KIAA1217: variants seen among roughly 807,000 people sequenced by gnomAD.
The protein encoded by KIAA1217 is KIAA1217.
In KIAA1217, 88 loss-of-function variants were observed where a neutral mutation model predicts 163.9. That is an observed-to-expected ratio of 0.54 (90% confidence interval 0.45 to 0.64). The LOEUF (loss-of-function observed/expected upper bound fraction) is 0.64, where lower values mean the gene tolerates loss of function less well. KIAA1217 is among the 30% of genes least tolerant of loss of function. The pLI, the probability that KIAA1217 is intolerant of heterozygous loss-of-function variation, is 0.00. For missense variants in KIAA1217, 2,372 were observed against 2,475.0 expected (o/e 0.96, Z 0.88); for synonymous variants, 903 against 923.1 (o/e 0.98, Z 0.39).
intron 5 of KIAA1217, among the ~76,000 whole-genome samples, chr10:24,457,857 C>T (rs988520580): frequency 2.6e-5 from 4 of 152,146 alleles, no homozygotes; most frequent in Non-Finnish European, 4.4e-5. Flanking sequence ...GTAGGCATTT[C>T]GTCATATGGA....
intron 9 of KIAA1217, among the ~76,000 whole-genome samples, chr10:24,506,499 C>T (rs979442197): frequency 6.6e-6 from 1 of 152,150 alleles, no homozygotes. Flanking sequence ...TTATTTCTGT[C>T]TCTTATTTTA....
intron 1 of KIAA1217, among the ~76,000 whole-genome samples, chr10:23,917,413 T>C (rs1275178434): frequency 6.6e-6 from 1 of 152,154 alleles, no homozygotes; most frequent in Non-Finnish European, 1.5e-5. Context: ...TCAGATTGCT[T>C]GTTCTGTGAA....
intron 2 of KIAA1217, among the ~76,000 whole-genome samples, chr10:24,097,295 T>C (rs2062201736): frequency 7.9e-5 from 12 of 152,208 alleles, no homozygotes. Context: ...TTCATGCCTA[T>C]AATCCCAGTT....
At chr10:24,306,840 T>A (rs549560275) in intron 2 of KIAA1217, among the ~76,000 whole-genome samples, 1 of 152,354 alleles carries the variant, frequency 6.6e-6, no homozygotes, top group African/African-American at 2.4e-5. Flanking sequence ...GACATAACTG[T>A]CTTAGTATCT....
In KIAA1217 at chr10:24,400,274, G is replaced by A. The variant is rs2056372174; in HGVS notation, c.553+19207G>A. Reference sequence around the variant, plus strand: ...TATACTACCTGACCTGCATTTTGGGGACTTCCCACAGTATATCAGTCAGGA... The same window carrying A: ...TATACTACCTGACCTGCATTTTGGGAACTTCCCACAGTATATCAGTCAGGA... On this transcript the variant is annotated intron_variant, in intron 3 of 20. Coordinates refer to ENST00000376454, the MANE Select transcript of KIAA1217 (RefSeq NM_019590.5). 2.0e-5 allele frequency among the ~76,000 whole-genome samples: 3 copies of A among 152,186 alleles called. 1 individual carries two copies. Among genetic ancestry groups the A allele is most frequent in the Admixed American group, 2.0e-4 (3 of 15,274 alleles).
chr10:24,223,874 C>T (rs1353660158), intron 2 of KIAA1217, among the ~76,000 whole-genome samples: 2 of 113,070 alleles, frequency 1.8e-5, no homozygotes, highest in African/African-American at 6.8e-5. Context: ...AACTGGGAGT[C>T]CAGGAGTGCT....
Position 24,473,437 on chromosome 10 carries a change from C to T in KIAA1217, c.1056C>T (p.Ser352=), listed in dbSNP as rs1440228733. Residue 352 remains serine, a synonymous_variant, in exon 6 of 21, where the codon TCC becomes TCT. Transcript: ENST00000376454. The part of the protein sequence containing the change: ...GNATIPRDRI[S]SLPVSRPISP... ...CCACCATCCCCAGGGACAGAATCTCCAGCCTGCCAGTCTCCAGACCCATCT... is the reference window on the plus strand; with the variant it reads ...CCACCATCCCCAGGGACAGAATCTCTAGCCTGCCAGTCTCCAGACCCATCT... 2.5e-6 allele frequency: 4 copies of T among 1,614,148 alleles called. No homozygotes were observed. The East Asian group carries it at 8.9e-5, about 36-fold the overall frequency.
At chr10:23,915,694 A>T (rs561580082) in intron 1 of KIAA1217, among the ~76,000 whole-genome samples, 123 of 152,306 alleles carry the variant, frequency 8.1e-4, no homozygotes, top group African/African-American at 2.7e-3. Flanking sequence ...AAAATCAGTT[A>T]TTGGGAAGGT....
At chr10:24,322,397 G>A (rs2044292511) in intron 2 of KIAA1217, among the ~76,000 whole-genome samples, 1 of 152,184 alleles carries the variant, frequency 6.6e-6, no homozygotes. Flanking sequence ...TTAAACACAA[G>A]TGGTGTAACC....
Position 23,865,067 on chromosome 10 carries a change from A to G in KIAA1217, c.-320-142158A>G, listed in dbSNP as rs183088977. Among the ~76,000 whole-genome samples, 1,097 of 152,266 alleles carry G rather than the reference A, an allele frequency of 7.2e-3. 4 individuals are homozygous for G. Among genetic ancestry groups the G allele is most frequent in the Non-Finnish European group, 0.01 (688 of 68,016 alleles). On this transcript the variant is annotated intron_variant, in intron 1 of 18. Coordinates refer to the KIAA1217 transcript ENST00000376462. ...CTGGTGCTTGAACAAATATCTGGAAACCACAGGCTATAAAAGTTGACCCAT... is the reference window on the plus strand; with the variant it reads ...CTGGTGCTTGAACAAATATCTGGAAGCCACAGGCTATAAAAGTTGACCCAT...
chr10:24,120,914 T>A (rs933648446), intron 2 of KIAA1217, among the ~76,000 whole-genome samples: 2 of 152,196 alleles, frequency 1.3e-5, no homozygotes, highest in African/African-American at 4.8e-5. Flanking sequence ...TAGCAAGTAT[T>A]GACTGACATC....
chr10:24,378,664 AG>A (rs1330448316), intron 2 of KIAA1217, among the ~76,000 whole-genome samples: 1 of 151,778 alleles, frequency 6.6e-6, no homozygotes, highest in Non-Finnish European at 1.5e-5. Context: ...ATCAGATCAC[AG>A]GGTATCTGGC....
rs1843939949 is a variant in KIAA1217, at chr10:23,944,832, G to A, written c.-320-62393G>A. Among the ~76,000 whole-genome samples the A allele has an allele frequency of 2.0e-5, 3 of 152,126 alleles. No individual in the cohort carries two copies. The South Asian group carries it at 6.2e-4, about 32-fold the overall frequency. ...CCAGCACTTTGGGAGGCCAAGGTGG[G>A]TGGATCACCTGAGGTCAGGAGTTCA... On this transcript the variant is annotated intron_variant, in intron 1 of 18. Coordinates refer to the KIAA1217 transcript ENST00000376462.
chr10:24,533,535 AG>A (rs1445803252), intron 16 of KIAA1217, among the ~76,000 whole-genome samples: 1 of 152,206 alleles, frequency 6.6e-6, no homozygotes, highest in Non-Finnish European at 1.5e-5. Context: ...TCATTTCAAA[AG>A]CAAGTAAGAT....
At chr10:23,849,784 C>G (rs933666885) in intron 1 of KIAA1217, among the ~76,000 whole-genome samples, 1 of 152,092 alleles carries the variant, frequency 6.6e-6, no homozygotes, top group African/African-American at 2.4e-5. Flanking sequence ...TAGAACTGGT[C>G]AAAAGACTTT....
At chr10:23,772,091 T>C (rs981563242) in intron 1 of KIAA1217, among the ~76,000 whole-genome samples, 10 of 152,248 alleles carry the variant, frequency 6.6e-5, no homozygotes, top group African/African-American at 9.6e-5. Flanking sequence ...GAATCTCATT[T>C]GATGTGTGAA....
chr10:23,882,837 A>G (rs1325114364), intron 1 of KIAA1217, among the ~76,000 whole-genome samples: 1 of 151,958 alleles, frequency 6.6e-6, no homozygotes, highest in African/African-American at 2.4e-5. Flanking sequence ...GTGATTCCTC[A>G]TGAAAATGGG....
chr10:24,544,988 G>A lies in KIAA1217; in HGVS notation c.5219G>A (p.Ser1740Asn). Residue 1740 changes from serine to asparagine, a missense_variant, in exon 20 of 21, where the codon AGC (serine) becomes AAC (asparagine). This residue lies in a region of KIAA1217 where 690 missense variants were observed against 677.5 expected (regional missense o/e 1.02). Coordinates refer to ENST00000376454, the MANE Select transcript of KIAA1217 (RefSeq NM_019590.5). ...SIPSASRKGS[S>N]GAPQTSRMPV... ...CACTGGTCCTTCCCACAGGGCTCCA[G>A]CGGGGCCCCACAGACGAGCAGGATG... The A allele has an allele frequency of 6.2e-7, 1 of 1,614,026 alleles. No individual in the cohort carries two copies. Among genetic ancestry groups the A allele is most frequent in the Non-Finnish European group, 8.5e-7 (1 of 1,179,958 alleles).
rs11013954 is a variant in KIAA1217, at chr10:24,200,904, C to T, written c.-170-18722C>T. On this transcript the variant is annotated intron_variant, in intron 2 of 18. Transcript: ENST00000376462. Reference sequence around the variant, plus strand: ...TCCACACCAGTTTGTATCAGTGCTGCTGCTGAACATGTTGGGTGAAGGTAT... The same window carrying T: ...TCCACACCAGTTTGTATCAGTGCTGTTGCTGAACATGTTGGGTGAAGGTAT... Among the ~76,000 whole-genome samples the T allele has an allele frequency of 4.6e-3, 705 of 152,186 alleles. 5 individuals carry two copies. The East Asian group carries it at 0.055, about 12-fold the overall frequency.
Sources: allele counts gnomAD v4.1 joint callset (sites outside exome capture counted in the v4.1 genomes callset), GRCh38; gene constraint gnomAD v4.1.1; regional missense constraint gnomAD v4.1.1; transcripts MANE v1.5; gene names NCBI Gene and HGNC (gene_info 2026-07-23, HGNC 2026-07-21).